Variants in CHCHD3 observed in about 807,000 individuals in gnomAD.
CHCHD3 encodes MICOS complex subunit MIC19.
A neutral mutation model predicts 38.2 loss-of-function variants in CHCHD3; 20 were observed. That is an observed-to-expected ratio of 0.52 (90% CI 0.37 to 0.76). The LOEUF (loss-of-function observed/expected upper bound fraction) is 0.76, where lower values mean the gene tolerates loss of function less well. CHCHD3 is among the 30% of genes least tolerant of loss of function. The pLI is 0.00. For missense variants in CHCHD3, 245 were observed against 279.2 expected, an observed-to-expected ratio of 0.88 and a Z score of 0.87; for synonymous variants, 82 against 100.0, an observed-to-expected ratio of 0.82 and a Z score of 1.07.
At chr7:133,055,336 T>C (rs1264128244) in intron 2 of CHCHD3, among the ~76,000 whole-genome samples, 2 of 145,892 alleles carry the variant, frequency 1.4e-5, no homozygotes, top group East Asian at 3.9e-4. Context: ...AATTGTTATA[T>C]ATTTATAATT....
intron 1 of CHCHD3, among the ~76,000 whole-genome samples, chr7:133,081,246 C>G (rs931035620): frequency 2.0e-5 from 3 of 152,156 alleles, no homozygotes; most frequent in Non-Finnish European, 4.4e-5. Flanking sequence ...TTCGGCGCAG[C>G]AGGTCACAGA....
chr7:132,820,789 G>A (rs974675745), intron 6 of CHCHD3, among the ~76,000 whole-genome samples: 3 of 151,750 alleles, frequency 2.0e-5, no homozygotes, highest in Admixed American at 6.6e-5. Flanking sequence ...TACAGAACAC[G>A]TTAGGAAGAA....
chr7:132,862,201 CAG>C (rs201703613), intron 5 of CHCHD3, among the ~76,000 whole-genome samples: 15 of 150,372 alleles, frequency 1.0e-4, no homozygotes, highest in Non-Finnish European at 1.8e-4. Context: ...GGGAGAGGAA[CAG>C]AGAGAGAGAG....
At chr7:133,038,356 A>G (rs2117475587) in intron 2 of CHCHD3, among the ~76,000 whole-genome samples, 1 of 152,314 alleles carries the variant, frequency 6.6e-6, no homozygotes, top group Non-Finnish European at 1.5e-5. Context: ...TATGTACACT[A>G]TCTAGAAGCA....
chr7:132,924,318 A>T (rs1810325541), intron 4 of CHCHD3, among the ~76,000 whole-genome samples: 1 of 152,242 alleles, frequency 6.6e-6, no homozygotes, highest in South Asian at 2.1e-4. Flanking sequence ...TCACAATAAT[A>T]GTATGACACA....
intron 4 of CHCHD3, chr7:132,973,912 G>C (rs1811685589): frequency 8.0e-7 from 1 of 1,249,308 alleles, no homozygotes; most frequent in African/African-American, 1.6e-5. Flanking sequence ...TCCCAACTGT[G>C]CTCCAATGAG....
chr7:132,947,330 C>A (rs1020814492), intron 4 of CHCHD3, among the ~76,000 whole-genome samples: 1 of 151,858 alleles, frequency 6.6e-6, no homozygotes, highest in African/African-American at 2.4e-5. Context: ...GTACTAATTT[C>A]TTTTCCTTCC....
intron 5 of CHCHD3, among the ~76,000 whole-genome samples, chr7:132,881,573 A>C (rs1048311248): frequency 6.6e-6 from 1 of 152,176 alleles, no homozygotes; most frequent in Non-Finnish European, 1.5e-5. Flanking sequence ...CCTCTCCATT[A>C]ATGATACACC....
At chr7:133,069,376 TCA>T (rs1814756094) in intron 2 of CHCHD3, among the ~76,000 whole-genome samples, 1 of 152,116 alleles carries the variant, frequency 6.6e-6, no homozygotes. Context: ...TTTCTCAATT[TCA>T]CAGTCTATAG....
At chr7:132,811,934 C>G (rs1435616189) in intron 6 of CHCHD3, among the ~76,000 whole-genome samples, 1 of 152,158 alleles carries the variant, frequency 6.6e-6, no homozygotes, top group Non-Finnish European at 1.5e-5. Context: ...ATTTGTATCT[C>G]TAGCCCAGCC....
intron 5 of CHCHD3, among the ~76,000 whole-genome samples, chr7:132,867,324 C>G (rs1352209544): frequency 1.3e-5 from 2 of 152,146 alleles, no homozygotes; most frequent in African/African-American, 4.8e-5. Context: ...TATTAAATTA[C>G]ATTAAAATGT....
chr7:132,877,461 CT>C (rs1808941113), intron 5 of CHCHD3, among the ~76,000 whole-genome samples: 1 of 152,150 alleles, frequency 6.6e-6, no homozygotes. Context: ...ATGGTTCCAT[CT>C]TTGCACCTAA....
intron 2 of CHCHD3, among the ~76,000 whole-genome samples, chr7:133,046,706 G>A (rs1813996504): frequency 6.6e-6 from 1 of 152,084 alleles, no homozygotes; most frequent in Non-Finnish European, 1.5e-5. Flanking sequence ...GGGACTACAG[G>A]CGCCCGCCAC....
At position 132,959,208 on chromosome 7, in the gene CHCHD3, A is replaced by G. The variant is rs76263514; in HGVS notation, c.369+15961T>C. On this transcript the variant is annotated intron_variant, in intron 4 of 7. Coordinates refer to ENST00000262570, the MANE Select transcript of CHCHD3 (RefSeq NM_017812.4). ...AACTCCCAAATGAGCTCTAACTCCCAAATGAGGCTATACTCACATTCCAGA... is the reference window on the plus strand; with the variant it reads ...AACTCCCAAATGAGCTCTAACTCCCGAATGAGGCTATACTCACATTCCAGA... Among the ~76,000 whole-genome samples, 30 of 152,358 alleles carry G rather than the reference A, an allele frequency of 2.0e-4. No individual in the cohort carries two copies. The East Asian group carries it at 5.6e-3, about 28-fold the overall frequency.
At chr7:132,950,834 T>G (rs1468400539) in intron 4 of CHCHD3, among the ~76,000 whole-genome samples, 1 of 152,190 alleles carries the variant, frequency 6.6e-6, no homozygotes, top group Non-Finnish European at 1.5e-5. Flanking sequence ...CATTTAAAAT[T>G]CCTCATCTCT....
chr7:133,076,057 T>G (rs1291041718), intron 1 of CHCHD3, among the ~76,000 whole-genome samples: 1 of 50,008 alleles, frequency 2.0e-5, no homozygotes, highest in Non-Finnish European at 3.5e-5. Context: ...AGATTCTATC[T>G]CAAAAAAAAA....
intron 6 of CHCHD3, among the ~76,000 whole-genome samples, chr7:132,816,126 T>C (rs901153964): frequency 3.9e-5 from 6 of 152,220 alleles, no homozygotes; most frequent in African/African-American, 1.2e-4. Flanking sequence ...TTTTGTCAAG[T>C]TGAAATTCAT....
chr7:132,794,573 T>C (rs1397977762), intron 7 of CHCHD3, among the ~76,000 whole-genome samples: 4 of 152,168 alleles, frequency 2.6e-5, no homozygotes, highest in Non-Finnish European at 5.9e-5. Flanking sequence ...ATCTTTTTAT[T>C]ATTAACTTGT....
Position 133,035,757 on chromosome 7 carries a change from G to C in CHCHD3, c.170-11130C>G. The C allele has an allele frequency of 6.2e-7, 1 of 1,613,174 alleles. No individual in the cohort carries two copies. Among genetic ancestry groups the C allele is most frequent in the South Asian group, 1.1e-5 (1 of 91,064 alleles). ...ACCCTCAAATGCTGGGACCTTGCCG[G>C]CAGGAAATTTGCGAAGAAATTCAGA... On this transcript the variant is annotated intron_variant, in intron 2 of 7. Coordinates refer to ENST00000262570, the MANE Select transcript of CHCHD3 (RefSeq NM_017812.4). The surrounding 1 kb of genome is among the most constrained non-coding windows in gnomAD (Gnocchi z 4.7).
Sources: allele counts gnomAD v4.1 joint callset (sites outside exome capture counted in the v4.1 genomes callset), GRCh38; gene constraint gnomAD v4.1.1; non-coding constraint Gnocchi (gnomAD v3.1); transcripts MANE v1.5; gene names NCBI Gene and HGNC (gene_info 2026-07-23, HGNC 2026-07-21).